Variants in SNX13 observed in about 807,000 individuals in gnomAD.
The protein encoded by SNX13 is sorting nexin-13.
A neutral mutation model predicts 133.6 loss-of-function variants in SNX13; 45 were observed. The observed-to-expected ratio is 0.34, with a 90% confidence interval of 0.27 to 0.43. SNX13 has a LOEUF of 0.43. Ranked by LOEUF, SNX13 falls within the 20% of genes least tolerant of loss-of-function variation. SNX13 has a pLI of 1.00. For missense variants in SNX13, 1,032 were observed against 1,145.1 expected (o/e 0.90, Z 1.43); for synonymous variants, 414 against 373.9 (o/e 1.11, Z -1.24).
intron 11 of SNX13, among the ~76,000 whole-genome samples, chr7:17,847,872 A>C (rs1790733812): frequency 6.6e-6 from 1 of 152,142 alleles, no homozygotes; most frequent in African/African-American, 2.4e-5. Flanking sequence ...ATCCTTTGAT[A>C]CACCTCTTCT....
chr7:17,825,935 G>C, intron 17 of SNX13, 87 bp downstream of exon 17: 1 of 900,288 alleles, frequency 1.1e-6, no homozygotes, highest in Non-Finnish European at 1.6e-6. Context: ...ACAAAAAAAT[G>C]GTTAGTAAAA....
At chr7:17,829,233 A>C (rs1321451257) in intron 16 of SNX13, among the ~76,000 whole-genome samples, 2 of 151,530 alleles carry the variant, frequency 1.3e-5, no homozygotes, top group Non-Finnish European at 3.0e-5. Context: ...AGGTAGGAGG[A>C]AAAACAAAAC....
intron 7 of SNX13, among the ~76,000 whole-genome samples, chr7:17,875,149 G>C (rs2128354880): frequency 6.6e-6 from 1 of 152,160 alleles, no homozygotes; most frequent in East Asian, 1.9e-4. Context: ...CGTACTTTTA[G>C]TAGAGACAGG....
intron 8 of SNX13, among the ~76,000 whole-genome samples, chr7:17,872,585 C>G (rs1216485631): frequency 2.6e-5 from 4 of 152,142 alleles, no homozygotes; most frequent in African/African-American, 9.7e-5. Context: ...CCATCAAAAC[C>G]AAGCACTTTC....
rs941542465 is a variant in SNX13, at chr7:17,882,749, C to T, written c.441-6959G>A. ...GTAACAACCTGACCAGAGAATCTTA[C>T]TATTTTAGAACTGAAAGGGTTCTCA... is the stretch of plus-strand genomic sequence containing the variant. On this transcript the variant is annotated intron_variant, in intron 5 of 25. Transcript: ENST00000428135. 11 of 1,113,320 alleles carry T rather than the reference C, an allele frequency of 9.9e-6. No homozygotes were observed. In the African/African-American group the frequency reaches 1.0e-4, roughly 10 times the overall value. 69.0% of individuals were successfully genotyped at this position (1,113,320 alleles called of 1,614,324 possible).
intron 13 of SNX13, 51 bp downstream of exon 13, chr7:17,839,756 T>A: frequency 6.8e-7 from 1 of 1,460,144 alleles, no homozygotes; most frequent in South Asian, 1.4e-5. Context: ...ATTACAAAAA[T>A]TATTAATAAT....
intron 13 of SNX13, among the ~76,000 whole-genome samples, chr7:17,836,546 TTTG>T (rs1562732820): frequency 6.6e-6 from 1 of 152,038 alleles, no homozygotes; most frequent in Non-Finnish European, 1.5e-5. Context: ...TTTGTACACA[TTTG>T]TTATTACTTT....
intron 16 of SNX13, among the ~76,000 whole-genome samples, chr7:17,827,931 T>C (rs1788087218): frequency 6.6e-6 from 1 of 151,892 alleles, no homozygotes; most frequent in Admixed American, 6.6e-5. Flanking sequence ...CTTCTAATTA[T>C]AAGCCAGCAC....
intron 20 of SNX13, among the ~76,000 whole-genome samples, chr7:17,809,459 G>C (rs879920388): frequency 6.6e-6 from 1 of 151,886 alleles, no homozygotes; most frequent in Non-Finnish European, 1.5e-5. Context: ...CAATACAGGA[G>C]CACCCAGTTT....
At chr7:17,820,342 T>C (rs1583358551) in intron 18 of SNX13, among the ~76,000 whole-genome samples, 1 of 152,228 alleles carries the variant, frequency 6.6e-6, no homozygotes, top group East Asian at 1.9e-4. Context: ...ATATGAGCTA[T>C]ATGCTTTTAA....
intron 1 of SNX13, among the ~76,000 whole-genome samples, chr7:17,902,242 GT>G (rs71010277): frequency 0.32 from 37,872 of 119,904 alleles, 5,373 homozygotes; most frequent in African/African-American, 0.43. Flanking sequence ...TACTGTCATG[GT>G]TTTTTTTTTT....
intron 5 of SNX13, among the ~76,000 whole-genome samples, chr7:17,883,331 G>GA (rs948221584): frequency 7.3e-4 from 111 of 152,054 alleles, no homozygotes; most frequent in African/African-American, 2.6e-3. Context: ...TAAAATACAG[G>GA]AAAAAACATA....
chr7:17,843,501 CA>C (rs976694453), intron 12 of SNX13, among the ~76,000 whole-genome samples: 52 of 151,930 alleles, frequency 3.4e-4, no homozygotes, highest in Admixed American at 3.2e-3. Context: ...TTCGATGCCC[CA>C]CTCTCAGTAA....
rs1783735052 is a variant in SNX13, at chr7:17,793,422, CTG to C, written c.*621_*622del. The C allele has an allele frequency of 6.6e-6, 1 of 151,774 alleles. No homozygotes were observed. Among genetic ancestry groups the C allele is most frequent in the African/African-American group, 2.4e-5 (1 of 41,366 alleles). 9.4% of individuals were successfully genotyped at this position (151,774 alleles called of 1,614,324 possible). A position where few individuals can be genotyped will look rare whatever the true frequency, so the allele number is the denominator to read the frequency against. ...AATGAATAACAAATCCAATCAAATT[CTG>C]TGTTTGATTGGTTTTATTTTATACT... On this transcript the variant is annotated 3_prime_UTR_variant, in exon 26 of 26. Coordinates refer to ENST00000428135, the MANE Select transcript of SNX13 (RefSeq NM_015132.5).
rs563453462 is a variant in SNX13 at position 17,850,465 on chromosome 7, G to A, written c.977-30C>T. 2.7e-5 allele frequency: 36 copies of A among 1,334,404 alleles called. No individual in the cohort carries two copies. In the African/African-American group the frequency reaches 4.1e-4, roughly 15 times the overall value. 82.7% of individuals were successfully genotyped at this position (1,334,404 alleles called of 1,614,324 possible). A position where few individuals can be genotyped will look rare whatever the true frequency, so the allele number is the denominator to read the frequency against. On this transcript the variant is annotated intron_variant, in intron 10 of 25. Coordinates refer to ENST00000428135, the MANE Select transcript of SNX13 (RefSeq NM_015132.5). ...AAGCAAAGAAATCATGAACTAGAAA[G>A]TGGTAGTGTTATTTATGAAATACTT... is the stretch of plus-strand genomic sequence containing the variant.
At chr7:17,922,154 A>T (rs923655846) in intron 1 of SNX13, among the ~76,000 whole-genome samples, 4 of 152,206 alleles carry the variant, frequency 2.6e-5, no homozygotes, top group Non-Finnish European at 1.5e-5. Context: ...AATGGAGTAA[A>T]CAGGTCACAC....
intron 5 of SNX13, chr7:17,888,288 G>C (rs1287130725): frequency 6.6e-6 from 1 of 152,542 alleles, no homozygotes; most frequent in Non-Finnish European, 1.5e-5. Context: ...TATAAATTTA[G>C]ATCAGTGTAG....
chr7:17,846,666 TAAAA>T, intron 11 of SNX13, among the ~76,000 whole-genome samples: 1 of 146,432 alleles, frequency 6.8e-6, no homozygotes, highest in Non-Finnish European at 1.5e-5. Context: ...TGTAGAGAAT[TAAAA>T]AAAAAAACAA....
At chr7:17,801,009 C>CATATATATATATATATAT (rs71010273) in intron 22 of SNX13, among the ~76,000 whole-genome samples, 3 of 120,220 alleles carry the variant, frequency 2.5e-5, no homozygotes, top group Non-Finnish European at 5.6e-5. Context: ...TAAAACTGAA[C>CATATATATATATATATAT]ATATATATAT....
Sources: allele counts gnomAD v4.1 joint callset (sites outside exome capture counted in the v4.1 genomes callset), GRCh38; gene constraint gnomAD v4.1.1; transcripts MANE v1.5; gene names NCBI Gene and HGNC (gene_info 2026-07-23, HGNC 2026-07-21).